Variants in NSMCE2 observed in about 807,000 individuals in gnomAD.
The protein encoded by NSMCE2 is NSE2 SUMO ligase component of SMC5/6 complex.
NSMCE2 carries 24 observed loss-of-function variants against 23.8 expected under a neutral mutation model. The observed-to-expected ratio is 1.01, with a 90% CI of 0.73 to 1.42. NSMCE2 has a LOEUF of 1.42. Ranked by LOEUF, NSMCE2 falls within the 40% of genes most tolerant of loss-of-function variation. The pLI is 0.00. For synonymous variants in NSMCE2, 92 were observed against 94.1 expected (o/e 0.98, Z 0.13); for missense variants, 284 against 296.5 (o/e 0.96, Z 0.31).
intron 5 of NSMCE2, among the ~76,000 whole-genome samples, chr8:125,191,694 G>C (rs1823349756): frequency 6.6e-6 from 1 of 152,154 alleles, no homozygotes; most frequent in Non-Finnish European, 1.5e-5. Context: ...GGTGTGTTAT[G>C]GCAGAGAGGA....
At chr8:125,253,457 A>C (rs1406647603) in intron 5 of NSMCE2, among the ~76,000 whole-genome samples, 1 of 152,206 alleles carries the variant, frequency 6.6e-6, no homozygotes, top group Non-Finnish European at 1.5e-5. Context: ...CCTTAGATGC[A>C]GAGTTTCGGG....
chr8:125,153,311 G>C (rs1037203020), intron 4 of NSMCE2, among the ~76,000 whole-genome samples: 8 of 152,128 alleles, frequency 5.3e-5, no homozygotes. Context: ...TATCAGGAAG[G>C]TCTCTGTTCT....
intron 4 of NSMCE2, among the ~76,000 whole-genome samples, chr8:125,170,492 C>T (rs1822142607): frequency 6.8e-6 from 1 of 146,124 alleles, no homozygotes; most frequent in African/African-American, 2.5e-5. Context: ...CTGCAAACTC[C>T]ACCTCCCGGG....
At chr8:125,345,493 A>G (rs1040899389) in intron 5 of NSMCE2, among the ~76,000 whole-genome samples, 1 of 152,248 alleles carries the variant, frequency 6.6e-6, no homozygotes, top group East Asian at 1.9e-4. Context: ...GTTCCTGTAC[A>G]TTGCCTGGTT....
intron 5 of NSMCE2, among the ~76,000 whole-genome samples, chr8:125,224,103 T>C (rs1364637556): frequency 6.6e-6 from 1 of 152,220 alleles, no homozygotes; most frequent in Non-Finnish European, 1.5e-5. Flanking sequence ...CCCAAAGTGC[T>C]GGGATTACAG....
At chr8:125,203,970 A>G (rs1251000226) in intron 5 of NSMCE2, among the ~76,000 whole-genome samples, 1 of 152,190 alleles carries the variant, frequency 6.6e-6, no homozygotes, top group Non-Finnish European at 1.5e-5. Context: ...CCTAGTCCTT[A>G]TCGTGTAATT....
At chr8:125,336,620 A>G (rs1388694043) in intron 5 of NSMCE2, among the ~76,000 whole-genome samples, 1 of 152,240 alleles carries the variant, frequency 6.6e-6, no homozygotes, top group East Asian at 1.9e-4. Flanking sequence ...GAAGTTGGCT[A>G]CAAGGAAATT....
intron 5 of NSMCE2, among the ~76,000 whole-genome samples, chr8:125,281,101 G>A (rs2131126230): frequency 1.3e-5 from 2 of 152,282 alleles, no homozygotes; most frequent in East Asian, 3.9e-4. Context: ...GATTAAGATA[G>A]CTTTAAAGCG....
intron 3 of NSMCE2, among the ~76,000 whole-genome samples, chr8:125,138,495 G>A (rs1820187379): frequency 6.6e-6 from 1 of 151,718 alleles, no homozygotes; most frequent in Non-Finnish European, 1.5e-5. Flanking sequence ...CAAAGTGCTG[G>A]GATTACAGAT....
chr8:125,124,260 G>A (rs757548478), intron 3 of NSMCE2: 1 of 152,068 alleles, frequency 6.6e-6, no homozygotes, highest in South Asian at 2.1e-4. Context: ...ATATTTCACT[G>A]TACTTCTGTT....
At chr8:125,172,141 T>G (rs972922643) in intron 4 of NSMCE2, among the ~76,000 whole-genome samples, 2 of 152,184 alleles carry the variant, frequency 1.3e-5, no homozygotes, top group African/African-American at 4.8e-5. Context: ...AAGGCAGAAC[T>G]GGGATTTAAA....
chr8:125,123,674 T>C (rs1819374354), intron 3 of NSMCE2, among the ~76,000 whole-genome samples: 2 of 152,344 alleles, frequency 1.3e-5, no homozygotes, highest in South Asian at 2.1e-4. Flanking sequence ...TTTGCCGTTA[T>C]ATGTAGAGCT....
At chr8:125,150,178 C>T (rs963369989) in intron 3 of NSMCE2, among the ~76,000 whole-genome samples, 2 of 152,132 alleles carry the variant, frequency 1.3e-5, no homozygotes, top group Non-Finnish European at 2.9e-5. Context: ...GCTAACCTCC[C>T]TTCGGTCCCA....
chr8:125,308,860 G>T (rs935462250), intron 5 of NSMCE2, among the ~76,000 whole-genome samples: 4 of 152,162 alleles, frequency 2.6e-5, no homozygotes, highest in Non-Finnish European at 5.9e-5. Flanking sequence ...GAAGATAGAT[G>T]AAGAAGTGCA....
rs201600696 is a variant in NSMCE2 at position 125,093,560 on chromosome 8, GTAAA to G, written c.-111+1610_-111+1613del. Among the ~76,000 whole-genome samples the G allele has an allele frequency of 4.9e-3, 746 of 151,496 alleles. 2 individuals carry two copies. The highest frequency in any genetic ancestry group is 0.017 in the African/African-American group (706 of 41,244). ...AATAAATAAATAAATAAATAAATAAGTAAATAAATAACATAATTGGTGTGTCCTG... is the reference window on the plus strand; with the variant it reads ...AATAAATAAATAAATAAATAAATAAGTAAATAACATAATTGGTGTGTCCTG... On this transcript the variant is annotated intron_variant, in intron 1 of 7. Coordinates refer to ENST00000287437, the MANE Select transcript of NSMCE2 (RefSeq NM_173685.4).
rs189603082 is a variant in NSMCE2, at chr8:125,217,355, A to T, written c.418+35099A>T. ...AAAAATTTTATTTATTTATTTATTT[A>T]TTTATTTTTTATTTATTTATTTTGA... On this transcript the variant is annotated intron_variant, in intron 5 of 7. Transcript: ENST00000287437. 2.9e-3 allele frequency among the ~76,000 whole-genome samples: 432 copies of T among 149,984 alleles called. 2 individuals carry two copies. The highest frequency in any genetic ancestry group is 1.0e-2 in the African/African-American group (409 of 41,084).
intron 5 of NSMCE2, among the ~76,000 whole-genome samples, chr8:125,276,909 T>G (rs1038260116): frequency 1.3e-5 from 2 of 152,188 alleles, no homozygotes; most frequent in Non-Finnish European, 2.9e-5. Flanking sequence ...TGCACAACTG[T>G]GGGGGACACC....
At chr8:125,182,355 G>T in intron 5 of NSMCE2, 99 bp downstream of exon 5, 1 of 916,818 alleles carries the variant, frequency 1.1e-6, no homozygotes, top group Non-Finnish European at 1.7e-6. Context: ...TTGCTTATCT[G>T]CTTGGCTTGA....
At chr8:125,187,937 T>C (rs901294695) in intron 5 of NSMCE2, among the ~76,000 whole-genome samples, 2 of 152,190 alleles carry the variant, frequency 1.3e-5, no homozygotes, top group African/African-American at 4.8e-5. Context: ...TTAGACAGTA[T>C]ATTTAGGTCA....
Sources: gnomAD v4.1 joint callset for allele counts (sites outside exome capture counted in the v4.1 genomes callset) on GRCh38, gnomAD v4.1.1 for gene constraint, MANE v1.5 for transcripts, NCBI Gene and HGNC (gene_info 2026-07-23, HGNC 2026-07-21) for gene names.